TNNI3K: variants seen among roughly 807,000 people sequenced by gnomAD.
TNNI3K encodes the protein serine/threonine-protein kinase TNNI3K.
A neutral mutation model predicts 114.5 loss-of-function variants in TNNI3K; 140 were observed. The ratio of observed to expected loss-of-function variants is 1.22; its 90% CI spans 1.07 to 1.41. TNNI3K has a LOEUF of 1.41. Ranked by LOEUF, TNNI3K falls within the 40% of genes most tolerant of loss-of-function variation. The pLI is 0.00. For missense variants in TNNI3K, 1,125 were observed against 1,007.6 expected (o/e 1.12, Z -1.58); for synonymous variants, 347 against 347.5 (o/e 1.00, Z 0.02).
intron 9 of TNNI3K, among the ~76,000 whole-genome samples, chr1:74,346,444 C>G (rs1661003273): frequency 6.6e-6 from 1 of 151,982 alleles, no homozygotes; most frequent in South Asian, 2.1e-4. Context: ...ATCTTATCTC[C>G]TTTTATGAAA....
rs199615305 is a variant in TNNI3K, at chr1:74,354,002, C to G, written c.1050C>G (p.His350Gln). The G allele has an allele frequency of 6.2e-7, 1 of 1,613,722 alleles. No homozygotes were observed. The highest frequency in any genetic ancestry group is 1.7e-5 in the Admixed American group (1 of 59,972). ...GHTGLHSACY[H>Q]GHIRLVQFLL... is the part of the protein sequence containing the mutation. ...CAGGATTACACTCTGCTTGCTACCA[C>G]GGTCACATTCGCCTGGTTCAGTTCT... Residue 350 changes from histidine to glutamine, a missense_variant, in exon 11 of 25, where the codon CAC becomes CAG. Coordinates refer to ENST00000326637, the MANE Select transcript of TNNI3K (RefSeq NM_015978.3).
intron 23 of TNNI3K, among the ~76,000 whole-genome samples, chr1:74,519,513 T>C (rs963727638): frequency 4.8e-5 from 6 of 125,742 alleles, no homozygotes; most frequent in Admixed American, 1.5e-4. Context: ...TGTAAAAGTG[T>C]TCCTATTTCT....
At chr1:74,360,628 A>C (rs1253801382) in intron 11 of TNNI3K, among the ~76,000 whole-genome samples, 1 of 152,006 alleles carries the variant, frequency 6.6e-6, no homozygotes, top group African/African-American at 2.4e-5. Context: ...ATGGCAGTCC[A>C]ATCTGCCTTT....
At position 74,544,052 on chromosome 1, in the gene TNNI3K, C is replaced by T; in HGVS notation, c.*70C>T. On this transcript the variant is annotated 3_prime_UTR_variant, in exon 25 of 25. Coordinates refer to ENST00000326637, the MANE Select transcript of TNNI3K (RefSeq NM_015978.3). ...CAGCAACGATTCCAACCACGGCAAGCTGGCTTCCAACTATAACATTTTACT... is the reference window on the plus strand; with the variant it reads ...CAGCAACGATTCCAACCACGGCAAGTTGGCTTCCAACTATAACATTTTACT... 6.5e-7 allele frequency: 1 copy of T among 1,543,404 alleles called. No individual in the cohort carries two copies. The highest frequency in any genetic ancestry group is 1.4e-5 in the African/African-American group (1 of 72,870).
chr1:74,296,047 G>A (rs1014000714), intron 5 of TNNI3K, among the ~76,000 whole-genome samples: 8 of 151,892 alleles, frequency 5.3e-5, no homozygotes, highest in Admixed American at 2.0e-4. Flanking sequence ...AGTCCAAGGC[G>A]GGCGGATCAC....
At chr1:74,273,973 A>T (rs1033248263) in intron 5 of TNNI3K, among the ~76,000 whole-genome samples, 2 of 151,896 alleles carry the variant, frequency 1.3e-5, no homozygotes, top group Admixed American at 6.6e-5. Flanking sequence ...ATTACCATTG[A>T]CTTTTGACCA....
chr1:74,505,197 A>C (rs1325205635), intron 23 of TNNI3K, among the ~76,000 whole-genome samples: 1 of 152,212 alleles, frequency 6.6e-6, no homozygotes, highest in African/African-American at 2.4e-5. Context: ...GACTTGGCCC[A>C]AAAATGCTGC....
intron 23 of TNNI3K, among the ~76,000 whole-genome samples, chr1:74,529,960 C>G (rs1206397137): frequency 6.6e-6 from 1 of 151,990 alleles, no homozygotes; most frequent in Admixed American, 6.6e-5. Context: ...CTGTACATGC[C>G]TATGGGTTTT....
chr1:74,429,907 T>G (rs779773961), intron 17 of TNNI3K, among the ~76,000 whole-genome samples: 11 of 152,234 alleles, frequency 7.2e-5, no homozygotes, highest in Non-Finnish European at 1.6e-4. Context: ...TGGGAAGCAT[T>G]GCAGTTGTGT....
At position 74,287,170 on chromosome 1, in the gene TNNI3K, C is replaced by T. The variant is rs929486935; in HGVS notation, c.444+15462C>T. On this transcript the variant is annotated intron_variant, in intron 5 of 24. Coordinates refer to ENST00000326637, the MANE Select transcript of TNNI3K (RefSeq NM_015978.3). ...GGTCATTTGAAATTACTCAGATAAA[C>T]AAAAAGGAGAAAAAGAATGACAAAC... is the stretch of plus-strand genomic sequence containing the variant. Among the ~76,000 whole-genome samples the T allele has an allele frequency of 2.6e-5, 4 of 151,724 alleles. No individual in the cohort carries two copies. In the South Asian group the frequency reaches 6.3e-4, roughly 24 times the overall value.
At chr1:74,505,150 G>A (rs1256568280) in intron 23 of TNNI3K, among the ~76,000 whole-genome samples, 1 of 152,134 alleles carries the variant, frequency 6.6e-6, no homozygotes, top group African/African-American at 2.4e-5. Context: ...CACAGATCCC[G>A]CCTTTGGCAG....
intron 17 of TNNI3K, among the ~76,000 whole-genome samples, chr1:74,411,825 AATT>A (rs1664895405): frequency 6.6e-6 from 1 of 152,158 alleles, no homozygotes; most frequent in Non-Finnish European, 1.5e-5. Context: ...AGAGACAGTG[AATT>A]TGAATCTTCT....
intron 4 of TNNI3K, among the ~76,000 whole-genome samples, chr1:74,251,820 G>T (rs188155355): frequency 2.0e-5 from 3 of 152,208 alleles, no homozygotes; most frequent in South Asian, 2.1e-4. Context: ...AATTCATAGC[G>T]CAAATACTCT....
At chr1:74,298,676 T>C (rs1658136221) in intron 5 of TNNI3K, among the ~76,000 whole-genome samples, 1 of 152,108 alleles carries the variant, frequency 6.6e-6, no homozygotes, top group African/African-American at 2.4e-5. Flanking sequence ...CGATGAAAAC[T>C]GAGGCCTCTT....
chr1:74,407,755 C>T (rs1042367140), intron 17 of TNNI3K, among the ~76,000 whole-genome samples: 3 of 152,072 alleles, frequency 2.0e-5, no homozygotes, highest in African/African-American at 7.2e-5. Flanking sequence ...CAGAATGGTA[C>T]AATTTAGAAC....
At chr1:74,471,607 G>A (rs550098005) in intron 21 of TNNI3K, 9 of 400,546 alleles carry the variant, frequency 2.2e-5, no homozygotes, top group Non-Finnish European at 4.0e-5. Context: ...ATCCAACTTA[G>A]TCAGTTGGTT....
intron 21 of TNNI3K, chr1:74,469,645 T>C: frequency 2.8e-6 from 1 of 357,012 alleles, no homozygotes; most frequent in Non-Finnish European, 5.0e-6. Context: ...TGTTTTTTCA[T>C]TCCTTAGAGA....
At chr1:74,518,874 CTTTT>C (rs1327871291) in intron 23 of TNNI3K, among the ~76,000 whole-genome samples, 2 of 29,052 alleles carry the variant, frequency 6.9e-5, no homozygotes, top group African/African-American at 3.3e-4. Flanking sequence ...TTTTTTTCCC[CTTTT>C]TTTTTTTTTT....
chr1:74,351,336 G>T (rs1261983702), intron 9 of TNNI3K, among the ~76,000 whole-genome samples: 2 of 151,346 alleles, frequency 1.3e-5, no homozygotes, highest in Non-Finnish European at 1.5e-5. Context: ...CGAGAGATCT[G>T]CTGTTAGTCT....
Sources: gnomAD v4.1 joint callset for allele counts (sites outside exome capture counted in the v4.1 genomes callset) on GRCh38, gnomAD v4.1.1 for gene constraint, MANE v1.5 for transcripts, NCBI Gene and HGNC (gene_info 2026-07-23, HGNC 2026-07-21) for gene names.